The following SHOC2 variants were observed in gnomAD, a reference collection of about 807,000 sequenced individuals.
SHOC2 encodes leucine-rich repeat protein SHOC-2.
SHOC2 carries 4 observed loss-of-function variants against 50.2 expected under a neutral mutation model. That is an observed-to-expected ratio of 0.08 (90% CI 0.04 to 0.18). The LOEUF (loss-of-function observed/expected upper bound fraction) is 0.18. Among genes scored for constraint, SHOC2 ranks in the 10% least tolerant of loss-of-function variants. The probability of loss-of-function intolerance (pLI) is 1.00; values close to 1 mark genes in which losing one functional copy is unlikely to be tolerated. For missense variants in SHOC2, 388 were observed against 669.6 expected (o/e 0.58, Z 4.64); for synonymous variants, 218 against 244.5 (o/e 0.89, Z 1.01).
chr10:111,009,429 T>C (rs941284078), intron 7 of SHOC2, 44 bp downstream of exon 7: 14 of 1,499,216 alleles, frequency 9.3e-6, no homozygotes, highest in Non-Finnish European at 3.7e-6. Flanking sequence ...GTTTTTGGAA[T>C]CTGTTCCAAA....
Position 111,004,944 on chromosome 10 carries a change from T to A in SHOC2, c.1161+150T>A, listed in dbSNP as rs1316548510. 1.8e-5 allele frequency: 12 copies of A among 678,030 alleles called. No homozygotes were observed. The African/African-American group carries it at 2.1e-4, about 12-fold the overall frequency. 42.0% of individuals were successfully genotyped at this position (678,030 alleles called of 1,614,324 possible). On this transcript the variant is annotated intron_variant, in intron 5 of 8. Coordinates refer to ENST00000369452, the MANE Select transcript of SHOC2 (RefSeq NM_007373.4). ...ATAAGACATGTCAGGGTACTTTGTA[T>A]CAGATAACAAATATCTTAGAACTGA...
At chr10:110,988,982 A>G (rs757675346) in intron 3 of SHOC2, 1 of 519,030 alleles carries the variant, frequency 1.9e-6, no homozygotes, top group Non-Finnish European at 3.9e-6. Context: ...AAAGGCAAAA[A>G]CTGAGACTAC....
chr10:110,966,522 G>C (rs1051735229), intron 2 of SHOC2, among the ~76,000 whole-genome samples: 3 of 152,010 alleles, frequency 2.0e-5, no homozygotes, highest in Admixed American at 2.0e-4. Context: ...TTGTTGTTTT[G>C]TGTATGTGTT....
chr10:111,004,274 C>A (rs79018209), intron 4 of SHOC2, among the ~76,000 whole-genome samples: 1 of 152,154 alleles, frequency 6.6e-6, no homozygotes, highest in Non-Finnish European at 1.5e-5. Context: ...AATTAGTCAC[C>A]CATGAGGCAC....
chr10:110,926,964 A>G (rs1344960395), intron 1 of SHOC2, among the ~76,000 whole-genome samples: 1 of 152,224 alleles, frequency 6.6e-6, no homozygotes, highest in Non-Finnish European at 1.5e-5. Context: ...TATAATTACT[A>G]TGTGTTTCTT....
intron 1 of SHOC2, among the ~76,000 whole-genome samples, chr10:110,960,180 G>A (rs1847544941): frequency 6.6e-6 from 1 of 152,200 alleles, no homozygotes; most frequent in South Asian, 2.1e-4. Flanking sequence ...CCAGTTTGAG[G>A]TCTGTTTTTG....
intron 1 of SHOC2, among the ~76,000 whole-genome samples, chr10:110,929,289 G>A (rs571072701): frequency 6.6e-6 from 1 of 152,210 alleles, no homozygotes; most frequent in Non-Finnish European, 1.5e-5. Flanking sequence ...GCTTCCAAGA[G>A]CAACTAAGAA....
chr10:110,981,876 T>TATACTC (rs1554859803), intron 2 of SHOC2, among the ~76,000 whole-genome samples: 1,665 of 135,454 alleles, frequency 0.012, 25 homozygotes, highest in African/African-American at 0.025. Context: ...ATTTATTTTT[T>TATACTC]TAAGTTTTAG....
chr10:110,994,627 G>A (rs1433444423), intron 3 of SHOC2, among the ~76,000 whole-genome samples: 1 of 152,064 alleles, frequency 6.6e-6, no homozygotes. Flanking sequence ...CTGTTATATG[G>A]GGGAGGGGAG....
At chr10:110,927,012 A>G (rs1175260503) in intron 1 of SHOC2, among the ~76,000 whole-genome samples, 1 of 152,220 alleles carries the variant, frequency 6.6e-6, no homozygotes, top group Admixed American at 6.5e-5. Context: ...ATTGAGTAGC[A>G]ACATTTTTTT....
At chr10:110,949,643 A>G (rs1847312712) in intron 1 of SHOC2, among the ~76,000 whole-genome samples, 1 of 152,196 alleles carries the variant, frequency 6.6e-6, no homozygotes, top group Admixed American at 6.5e-5. Context: ...AAAAAAATAC[A>G]GGTCAGTATC....
chr10:111,008,744 T>C (rs372895691), intron 6 of SHOC2, among the ~76,000 whole-genome samples: 2 of 152,138 alleles, frequency 1.3e-5, no homozygotes, highest in East Asian at 1.9e-4. Context: ...CAACCCAGTA[T>C]TGTCTCCTTA....
chr10:110,924,654 C>T (rs973739039), intron 1 of SHOC2, among the ~76,000 whole-genome samples: 1 of 152,112 alleles, frequency 6.6e-6, no homozygotes, highest in Non-Finnish European at 1.5e-5. Flanking sequence ...TCACCTTCAA[C>T]ACCTGTGAAA....
chr10:110,923,702 G>A lies in SHOC2; in HGVS notation c.-235+4045G>A, dbSNP rs77772311. 4.8e-3 allele frequency among the ~76,000 whole-genome samples: 737 copies of A among 152,222 alleles called. 6 individuals are homozygous for A. The highest frequency in any genetic ancestry group is 0.017 in the African/African-American group (696 of 41,552). ...ATTTATGAGAAAGAGTGAACATACT[G>A]CTTGTAGCTAAAACATTACAGGAGA... On this transcript the variant is annotated intron_variant, in intron 1 of 8. Transcript: ENST00000369452.
chr10:110,939,679 C>T (rs1358605502), intron 1 of SHOC2, among the ~76,000 whole-genome samples: 1 of 152,184 alleles, frequency 6.6e-6, no homozygotes, highest in East Asian at 1.9e-4. Context: ...AGTTTCTAGA[C>T]ATCTAGTTTC....
intron 2 of SHOC2, among the ~76,000 whole-genome samples, chr10:110,965,762 G>A (rs1301521466): frequency 3.3e-5 from 5 of 152,054 alleles, no homozygotes; most frequent in Non-Finnish European, 7.4e-5. Flanking sequence ...GAAAAAAATA[G>A]GGAATATAAA....
At chr10:111,005,583 A>C (rs1848451890) in intron 5 of SHOC2, among the ~76,000 whole-genome samples, 3 of 152,162 alleles carry the variant, frequency 2.0e-5, no homozygotes, top group Non-Finnish European at 2.9e-5. Context: ...ATATCTTTAT[A>C]TTTATACGTA....
intron 1 of SHOC2, among the ~76,000 whole-genome samples, chr10:110,940,968 T>A (rs1847131694): frequency 7.3e-6 from 1 of 137,120 alleles, no homozygotes; most frequent in Admixed American, 8.0e-5. Context: ...TCTAGCTCTG[T>A]TGCCCAGGCT....
intron 2 of SHOC2, among the ~76,000 whole-genome samples, chr10:110,978,061 C>A (rs1034970056): frequency 6.6e-6 from 1 of 152,222 alleles, no homozygotes; most frequent in Non-Finnish European, 1.5e-5. Context: ...ATCGTTTGCC[C>A]TAACTTAGTA....
Sources: gnomAD v4.1 joint callset for allele counts (sites outside exome capture counted in the v4.1 genomes callset) on GRCh38, gnomAD v4.1.1 for gene constraint, MANE v1.5 for transcripts, NCBI Gene and HGNC (gene_info 2026-07-23, HGNC 2026-07-21) for gene names.